The following TANC2 variants were observed in gnomAD, a reference collection of about 807,000 sequenced individuals.
TANC2 encodes tetratricopeptide repeat, ankyrin repeat and coiled-coil containing 2.
A neutral mutation model predicts 210.5 loss-of-function variants in TANC2; 26 were observed. That is an observed-to-expected ratio of 0.12 (90% confidence interval 0.09 to 0.17). The LOEUF is 0.17. TANC2 is among the 10% of genes least tolerant of loss of function. The probability of loss-of-function intolerance (pLI) is 1.00; values close to 1 mark genes in which losing one functional copy is unlikely to be tolerated. For synonymous variants in TANC2, 931 were observed against 967.1 expected, an observed-to-expected ratio of 0.96 and a Z score of 0.69; for missense variants, 2,129 against 2,608.9, an observed-to-expected ratio of 0.82 and a Z score of 4.01.
At chr17:63,343,970 T>C (rs1047680536) in intron 12 of TANC2, among the ~76,000 whole-genome samples, 1 of 152,166 alleles carries the variant, frequency 6.6e-6, no homozygotes, top group Non-Finnish European at 1.5e-5. Flanking sequence ...CATAATCGTT[T>C]CAATAAATGT....
intron 7 of TANC2, among the ~76,000 whole-genome samples, chr17:63,230,919 A>ATGT (rs1309066278): frequency 3.2e-4 from 48 of 152,172 alleles, no homozygotes; most frequent in Admixed American, 1.2e-3. Flanking sequence ...GTAGGTCTCT[A>ATGT]AGAACTTGTT....
Position 63,250,560 on chromosome 17 carries a change from A to G in TANC2, c.1033+12483A>G, listed in dbSNP as rs900462816. ...GTACAAGGCATTGTTGCTATAGCCA[A>G]CTCCTTCAAAATAACCCAGTAAGAC... is the stretch of plus-strand genomic sequence containing the variant. On this transcript the variant is annotated intron_variant, in intron 8 of 27. Coordinates refer to ENST00000689528, the Ensembl canonical transcript of TANC2. Among the ~76,000 whole-genome samples, 6 of 152,038 alleles carry G rather than the reference A, an allele frequency of 3.9e-5. No homozygotes were observed. The South Asian group carries it at 6.2e-4, about 16-fold the overall frequency.
At chr17:63,346,792 C>A (rs1003894728) in intron 12 of TANC2, among the ~76,000 whole-genome samples, 1 of 152,140 alleles carries the variant, frequency 6.6e-6, no homozygotes, top group African/African-American at 2.4e-5. Flanking sequence ...ACAGCCTCGA[C>A]CCCCTCGGCT....
At chr17:63,316,673 A>G (rs898795804) in intron 10 of TANC2, among the ~76,000 whole-genome samples, 9 of 152,206 alleles carry the variant, frequency 5.9e-5, no homozygotes, top group Admixed American at 5.9e-4. Context: ...ATGCGGTTCT[A>G]TATATCAGAA....
intron 4 of TANC2, among the ~76,000 whole-genome samples, chr17:63,109,740 C>G (rs996137676): frequency 3.3e-5 from 5 of 151,768 alleles, no homozygotes; most frequent in African/African-American, 4.9e-5. Flanking sequence ...TGAACACTTT[C>G]AGTGATAGTG....
At position 63,009,572 on chromosome 17, in the gene TANC2, A is replaced by G. The variant is rs199889425; in HGVS notation, c.13A>G (p.Ser5Gly). 2.5e-6 allele frequency: 4 copies of G among 1,613,098 alleles called. No individual in the cohort carries two copies. In the Admixed American group the frequency reaches 6.7e-5, roughly 27 times the overall value. Reference sequence around the variant, plus strand: ...GAAGAGTATAACCATGTTTCGGAATAGTCTCAAGATGCTGCTTACTGGTGG... The same window carrying G: ...GAAGAGTATAACCATGTTTCGGAATGGTCTCAAGATGCTGCTTACTGGTGG... Residue 5 changes from serine (S) to glycine (G), a missense_variant, in exon 2 of 28, where the codon AGT (serine) becomes GGT (glycine). By Grantham distance (56) the Ser-to-Gly change is moderately conservative. Coordinates refer to ENST00000689528, the Ensembl canonical transcript of TANC2.
At chr17:63,141,233 T>A (rs2039277259) in intron 4 of TANC2, among the ~76,000 whole-genome samples, 1 of 150,310 alleles carries the variant, frequency 6.7e-6, no homozygotes, top group Non-Finnish European at 1.5e-5. Context: ...TGAGCTTAGG[T>A]AAAAATTTAA....
chr17:63,316,729 A>G (rs1485852683), intron 10 of TANC2, among the ~76,000 whole-genome samples: 2 of 152,188 alleles, frequency 1.3e-5, no homozygotes, highest in African/African-American at 2.4e-5. Context: ...TTTTGTTACA[A>G]TTTATTGATG....
intron 21 of TANC2, among the ~76,000 whole-genome samples, chr17:63,410,294 T>G (rs1285279533): frequency 2.0e-5 from 3 of 150,838 alleles, no homozygotes; most frequent in Non-Finnish European, 3.0e-5. Context: ...ACTTATTTCT[T>G]CTTTCTAAGT....
At chr17:63,336,293 A>G (rs531266482) in intron 11 of TANC2, among the ~76,000 whole-genome samples, 1 of 152,384 alleles carries the variant, frequency 6.6e-6, no homozygotes, top group South Asian at 2.1e-4. Context: ...TACAAATGCC[A>G]GTCAGTATGG....
At chr17:63,065,518 A>G (rs1040516041) in intron 2 of TANC2, among the ~76,000 whole-genome samples, 1 of 152,190 alleles carries the variant, frequency 6.6e-6, no homozygotes, top group Admixed American at 6.5e-5. Context: ...TACTAATTTT[A>G]TATTACTACC....
intron 9 of TANC2, among the ~76,000 whole-genome samples, chr17:63,269,534 AT>A (rs1268643597): frequency 3.3e-5 from 5 of 152,188 alleles, no homozygotes; most frequent in African/African-American, 1.2e-4. Flanking sequence ...ACTAAAAAAC[AT>A]ACTGACATTG....
intron 2 of TANC2, among the ~76,000 whole-genome samples, chr17:63,060,184 A>C (rs1393385962): frequency 6.6e-6 from 1 of 152,218 alleles, no homozygotes; most frequent in Non-Finnish European, 1.5e-5. Flanking sequence ...TGGTCTGAGA[A>C]TATTACCACC....
At chr17:62,989,499 A>G (rs1055748313) in intron 1 of TANC2, among the ~76,000 whole-genome samples, 4 of 152,186 alleles carry the variant, frequency 2.6e-5, no homozygotes, top group African/African-American at 4.8e-5. Context: ...ATCCTTTAAA[A>G]TAACAGTTTA....
chr17:63,422,057 TC>T, exon 28 of TANC2: 1 of 1,429,988 alleles, frequency 7.0e-7, no homozygotes, highest in Non-Finnish European at 9.4e-7. Flanking sequence ...TCATGTAGTT[TC>T]TGTGTGGTGT....
chr17:63,261,076 A>G (rs1169038640), intron 8 of TANC2, among the ~76,000 whole-genome samples: 2 of 152,076 alleles, frequency 1.3e-5, no homozygotes, highest in East Asian at 3.9e-4. Context: ...TACAAAAGAA[A>G]TTGTTTTTAA....
intron 14 of TANC2, 57 bp from the exon 15 acceptor site, chr17:63,379,661 T>C: frequency 3.0e-6 from 4 of 1,336,892 alleles, no homozygotes; most frequent in Non-Finnish European, 4.1e-6. Flanking sequence ...AGAGTGAGAC[T>C]CCATCTCAAT....
At chr17:63,255,083 AT>A (rs2043151652) in intron 8 of TANC2, among the ~76,000 whole-genome samples, 1 of 147,210 alleles carries the variant, frequency 6.8e-6, no homozygotes, top group African/African-American at 2.5e-5. Context: ...TTATTTATTT[AT>A]TTATTTATTT....
chr17:63,200,812 G>A lies in TANC2; in HGVS notation c.624G>A (p.Leu208=). Residue 208 remains leucine, a synonymous_variant, in exon 7 of 28, where the codon CTG becomes CTA. Transcript: ENST00000689528. Reference sequence around the variant, plus strand: ...AGCGGATAAGTCCTTGTTCCACTCTGACTAGCAGCACTGCCTCTCCACCAG... The same window carrying A: ...AGCGGATAAGTCCTTGTTCCACTCTAACTAGCAGCACTGCCTCTCCACCAG... 3 of 1,613,530 alleles carry A rather than the reference G, an allele frequency of 1.9e-6. No individual in the cohort carries two copies. In the South Asian group the frequency reaches 3.3e-5, roughly 18 times the overall value.
Sources: gnomAD v4.1 joint callset for allele counts (sites outside exome capture counted in the v4.1 genomes callset) on GRCh38, gnomAD v4.1.1 for gene constraint, MANE v1.5 for transcripts, NCBI Gene and HGNC (gene_info 2026-07-23, HGNC 2026-07-21) for gene names.